The following GLMN variants were observed in gnomAD, a reference collection of about 807,000 sequenced individuals.
The protein encoded by GLMN is glomulin, FKBP associated protein.
In GLMN, 75 loss-of-function variants were observed where a neutral mutation model predicts 87.8. The observed-to-expected ratio is 0.85, with a 90% CI of 0.71 to 1.04. The LOEUF is 1.04. GLMN is among the 50% of genes least tolerant of loss of function. The pLI, the probability that GLMN is intolerant of heterozygous loss-of-function variation, is 0.00. For missense variants in GLMN, 588 were observed against 658.8 expected (o/e 0.89, Z 1.18); for synonymous variants, 206 against 221.6 (o/e 0.93, Z 0.63).
At chr1:92,249,879 T>C (rs559256773) in intron 16 of GLMN, among the ~76,000 whole-genome samples, 3 of 152,306 alleles carry the variant, frequency 2.0e-5, no homozygotes, top group Admixed American at 2.0e-4. Context: ...ATACTGTCTT[T>C]CTGGGCCTGG....
intron 16 of GLMN, among the ~76,000 whole-genome samples, chr1:92,251,513 CT>C (rs1653493022): frequency 6.6e-6 from 1 of 152,016 alleles, no homozygotes; most frequent in East Asian, 1.9e-4. Flanking sequence ...AAGAAATTAC[CT>C]TTGTGATCTG....
the GLMN span, chr1:92,307,114 G>GTTTTATA: frequency 1.0e-6 from 1 of 999,702 alleles, no homozygotes; most frequent in East Asian, 2.6e-5. Flanking sequence ...ATACATTTAT[G>GTTTTATA]TTTTATACTC....
the GLMN span, among the ~76,000 whole-genome samples, chr1:92,328,908 A>G: frequency 1.3e-5 from 2 of 151,892 alleles, no homozygotes; most frequent in African/African-American, 4.8e-5. Context: ...AGTGATTGTT[A>G]TTGTTCTTGT....
the GLMN span, among the ~76,000 whole-genome samples, chr1:92,336,815 C>G: frequency 6.6e-6 from 1 of 152,018 alleles, no homozygotes; most frequent in African/African-American, 2.4e-5. Flanking sequence ...GAAGAACTCT[C>G]CTCTGTGAAG....
At chr1:92,286,696 T>G (rs919658912) in intron 6 of GLMN, 104 bp from the exon 7 acceptor site, 2 of 711,108 alleles carry the variant, frequency 2.8e-6, no homozygotes, top group Admixed American at 2.0e-5. Context: ...ACATAAGCAC[T>G]GCTATGGTTT....
the GLMN span, among the ~76,000 whole-genome samples, chr1:92,345,379 TAAAAA>T: frequency 5.4e-5 from 4 of 73,762 alleles, no homozygotes; most frequent in Admixed American, 3.6e-4. Context: ...CCCGTTTCTT[TAAAAA>T]AAAAAAAAAA....
At chr1:92,310,117 T>C in the GLMN span, among the ~76,000 whole-genome samples, 2 of 152,232 alleles carry the variant, frequency 1.3e-5, no homozygotes, top group Non-Finnish European at 2.9e-5. Flanking sequence ...ATAATCTATA[T>C]ATATGCATCT....
At chr1:92,364,705 T>G in the GLMN span, among the ~76,000 whole-genome samples, 1 of 152,186 alleles carries the variant, frequency 6.6e-6, no homozygotes, top group African/African-American at 2.4e-5. Flanking sequence ...GTTAGCTTTC[T>G]CCATTGCCAC....
chr1:92,360,931 G>C, the GLMN span, among the ~76,000 whole-genome samples: 1 of 151,926 alleles, frequency 6.6e-6, no homozygotes, highest in Non-Finnish European at 1.5e-5. Context: ...TTCTGAGCTT[G>C]AGTTGTACAG....
Position 92,271,552 on chromosome 1 carries a change from T to G in GLMN, c.836A>C (p.Asn279Thr). The G allele has an allele frequency of 6.2e-7, 1 of 1,612,372 alleles. No individual in the cohort carries two copies. Among genetic ancestry groups the G allele is most frequent in the Admixed American group, 1.7e-5 (1 of 59,994 alleles). ...WNYLEFEEEE[N>T]KQLADSMASL... ...AGCCATTGAGTCTGCTAACTGTTTA[T>G]TTTCTTCTTCTTCAAATTCAAGGTA... Residue 279 changes from asparagine (N) to threonine (T), a missense_variant, in exon 8 of 19, where the codon AAT becomes ACT. By Grantham distance (65) the Asn-to-Thr change is moderately conservative (BLOSUM62 0). Transcript: ENST00000370360.
intron 16 of GLMN, among the ~76,000 whole-genome samples, chr1:92,256,779 C>T (rs976375588): frequency 3.3e-5 from 5 of 152,128 alleles, no homozygotes; most frequent in Admixed American, 3.3e-4. Context: ...CTATTTATGA[C>T]AAACCCACAG....
intron 7 of GLMN, among the ~76,000 whole-genome samples, chr1:92,279,917 G>A (rs1038121473): frequency 1.3e-5 from 2 of 152,252 alleles, no homozygotes; most frequent in Non-Finnish European, 2.9e-5. Flanking sequence ...GTCCGCCATT[G>A]CTGAGGCTTG....
chr1:92,341,425 C>T, the GLMN span, among the ~76,000 whole-genome samples: 1 of 152,032 alleles, frequency 6.6e-6, no homozygotes, highest in Non-Finnish European at 1.5e-5. Context: ...TATTTTGGCT[C>T]AACAATAGGA....
intron 16 of GLMN, among the ~76,000 whole-genome samples, chr1:92,253,703 A>C (rs1653838772): frequency 6.6e-6 from 1 of 152,360 alleles, no homozygotes; most frequent in Admixed American, 6.5e-5. Flanking sequence ...GAAAACTAAC[A>C]AACACAAAGC....
chr1:92,340,495 T>C, the GLMN span, among the ~76,000 whole-genome samples: 1 of 152,180 alleles, frequency 6.6e-6, no homozygotes, highest in Admixed American at 6.5e-5. Flanking sequence ...GAAGTGACAA[T>C]CAATAATAGG....
At position 92,286,553 on chromosome 1, in the gene GLMN, T is replaced by C. The variant is rs770934225; in HGVS notation, c.672A>G (p.Gln224=). 6.2e-6 allele frequency: 10 copies of C among 1,607,870 alleles called. No individual in the cohort carries two copies. The African/African-American group carries it at 6.7e-5, about 11-fold the overall frequency. ...CACCTTCTTCAGACTGTTCAAAGAA[T>C]TGTGCTGTCAGCAAAGGGCATTTCA... ...KSLKCPLLTA[Q]FFEQSEEGGN... Residue 224 remains glutamine (Q), a synonymous_variant, in exon 7 of 19, where the codon CAA becomes CAG. Coordinates refer to ENST00000370360, the MANE Select transcript of GLMN (RefSeq NM_053274.3).
chr1:92,308,712 C>T, the GLMN span, among the ~76,000 whole-genome samples: 1 of 152,160 alleles, frequency 6.6e-6, no homozygotes, highest in Non-Finnish European at 1.5e-5. Flanking sequence ...ATAATCCCAA[C>T]ACTTTGAGAA....
chr1:92,251,794 CTT>C (rs35251154), intron 16 of GLMN, among the ~76,000 whole-genome samples: 167 of 142,944 alleles, frequency 1.2e-3, no homozygotes, highest in Middle Eastern at 3.5e-3. Context: ...ATTCCCAAAA[CTT>C]TTTTTTTTTT....
chr1:92,345,273 G>T, the GLMN span, among the ~76,000 whole-genome samples: 1 of 151,394 alleles, frequency 6.6e-6, no homozygotes, highest in Non-Finnish European at 1.5e-5. Context: ...GGCTGAGTCA[G>T]GAGGATCTCT....
Sources: allele counts gnomAD v4.1 joint callset (sites outside exome capture counted in the v4.1 genomes callset), GRCh38; gene constraint gnomAD v4.1.1; transcripts MANE v1.5; gene names NCBI Gene and HGNC (gene_info 2026-07-23, HGNC 2026-07-21).